The following RLN2 variants were observed in gnomAD, a reference collection of about 807,000 sequenced individuals.
The protein encoded by RLN2 is relaxin 2.
Under a neutral mutation model 7.3 loss-of-function variants are expected in RLN2, and 10 were observed. The ratio of observed to expected loss-of-function variants is 1.36; its 90% confidence interval spans 0.84 to 2.31. The LOEUF is 2.31. Among genes scored for constraint, RLN2 ranks in the 30% most tolerant of loss-of-function variants. The pLI, the probability that RLN2 is intolerant of heterozygous loss-of-function variation, is 0.00. For missense variants in RLN2, 298 were observed against 217.6 expected, an observed-to-expected ratio of 1.37 and a Z score of -2.32; for synonymous variants, 103 against 82.3, an observed-to-expected ratio of 1.25 and a Z score of -1.36.
upstream of RLN2, among the ~76,000 whole-genome samples, chr9:5,307,271 G>GAGGATGGATAGATA (rs1816269990): frequency 3.5e-5 from 5 of 143,488 alleles, no homozygotes; most frequent in African/African-American, 1.3e-4. Flanking sequence ...GATAGATAGA[G>GAGGATGGATAGATA]GATAGATAGA....
chr9:5,314,819 C>A, the RLN2 span, among the ~76,000 whole-genome samples: 1 of 152,012 alleles, frequency 6.6e-6, no homozygotes, highest in East Asian at 1.9e-4. Flanking sequence ...GTCCCACTAT[C>A]CCCAGGTCCA....
chr9:5,330,382 T>A, the RLN2 span, among the ~76,000 whole-genome samples: 16 of 151,930 alleles, frequency 1.1e-4, no homozygotes, highest in African/African-American at 2.7e-4. Context: ...CTCACGCCTG[T>A]CATCCCAGCA....
the RLN2 span, among the ~76,000 whole-genome samples, chr9:5,310,715 T>G: frequency 6.6e-6 from 1 of 152,080 alleles, no homozygotes; most frequent in Non-Finnish European, 1.5e-5. Context: ...AACACTAACT[T>G]ACTTCACTGG....
chr9:5,328,088 G>A, the RLN2 span, among the ~76,000 whole-genome samples: 4 of 152,044 alleles, frequency 2.6e-5, no homozygotes, highest in African/African-American at 9.7e-5. Context: ...GTAGGCTTCA[G>A]AAGGTTGGTA....
At chr9:5,320,557 G>A in the RLN2 span, among the ~76,000 whole-genome samples, 12 of 151,144 alleles carry the variant, frequency 7.9e-5, no homozygotes, top group Non-Finnish European at 1.2e-4. Flanking sequence ...TTTTAGTAGA[G>A]ATGGAGTTTC....
At chr9:5,315,112 A>C in the RLN2 span, among the ~76,000 whole-genome samples, 1 of 151,390 alleles carries the variant, frequency 6.6e-6, no homozygotes, top group Non-Finnish European at 1.5e-5. Context: ...GGTGCCAGTA[A>C]CTGACCCCAA....
chr9:5,322,526 CT>C, the RLN2 span, among the ~76,000 whole-genome samples: 2 of 151,876 alleles, frequency 1.3e-5, no homozygotes, highest in East Asian at 1.9e-4. Context: ...TGTGATCTTC[CT>C]TTTTTTTGTA....
chr9:5,311,096 G>A, the RLN2 span, among the ~76,000 whole-genome samples: 1 of 151,950 alleles, frequency 6.6e-6, no homozygotes, highest in Non-Finnish European at 1.5e-5. Flanking sequence ...TGCACTCTAA[G>A]ATGATAGGCC....
the RLN2 span, among the ~76,000 whole-genome samples, chr9:5,318,444 C>G: frequency 6.6e-6 from 1 of 151,790 alleles, no homozygotes; most frequent in African/African-American, 2.4e-5. Context: ...AAAAATAGCT[C>G]TAGCAGTTAA....
At chr9:5,332,620 C>A in the RLN2 span, among the ~76,000 whole-genome samples, 23 of 138,372 alleles carry the variant, frequency 1.7e-4, no homozygotes, top group African/African-American at 6.2e-4. Context: ...ACTGAATGTG[C>A]TTTTTTTTTT....
Position 5,304,350 on chromosome 9 carries a change from G to A in RLN2, c.211+20C>T, listed in dbSNP as rs755594080. ...CCAATGGGAAGCGCGGGAAGGCCGG[G>A]AGGGGGCGGGAGCTCTCACCTGCCA... On this transcript the variant is annotated intron_variant, in intron 1 of 1. Transcript: ENST00000381627. 2.0e-6 allele frequency: 3 copies of A among 1,534,668 alleles called. No individual in the cohort carries two copies. Among genetic ancestry groups the A allele is most frequent in the Admixed American group, 3.7e-5 (2 of 53,734 alleles).
the RLN2 span, among the ~76,000 whole-genome samples, chr9:5,336,461 G>A: frequency 3.3e-5 from 5 of 151,966 alleles, no homozygotes; most frequent in African/African-American, 1.2e-4. Flanking sequence ...GGAACCTGCT[G>A]GACACCCAGC....
the RLN2 span, among the ~76,000 whole-genome samples, chr9:5,323,663 A>T: frequency 6.6e-6 from 1 of 151,984 alleles, no homozygotes; most frequent in Non-Finnish European, 1.5e-5. Flanking sequence ...AAAATATCTA[A>T]CCTAATAGAA....
chr9:5,316,739 T>C, the RLN2 span, among the ~76,000 whole-genome samples: 1 of 151,992 alleles, frequency 6.6e-6, no homozygotes, highest in Admixed American at 6.6e-5. Flanking sequence ...TTGTGAATAG[T>C]GCTGCGGTAA....
chr9:5,322,691 T>C, the RLN2 span, among the ~76,000 whole-genome samples: 51,116 of 151,810 alleles, frequency 0.34, 9,506 homozygotes, highest in Non-Finnish European at 0.41. Flanking sequence ...CAATAGAATA[T>C]GGGGGTATAA....
chr9:5,320,280 C>G, the RLN2 span, among the ~76,000 whole-genome samples: 1 of 151,508 alleles, frequency 6.6e-6, no homozygotes, highest in African/African-American at 2.4e-5. Context: ...GCCACCACAC[C>G]CGGCAAACCT....
the RLN2 span, chr9:5,335,282 C>T: frequency 7.5e-6 from 12 of 1,596,962 alleles, no homozygotes; most frequent in Non-Finnish European, 1.0e-5. Flanking sequence ...CCTTTTGGTA[C>T]AACCAATTAG....
chr9:5,334,071 T>C, the RLN2 span, among the ~76,000 whole-genome samples: 2 of 151,996 alleles, frequency 1.3e-5, no homozygotes, highest in African/African-American at 4.8e-5. Context: ...GCATACTGAA[T>C]GGGCAAAAGC....
At chr9:5,301,093 A>G (rs1816117219) in intron 1 of RLN2, among the ~76,000 whole-genome samples, 1 of 152,254 alleles carries the variant, frequency 6.6e-6, no homozygotes, top group African/African-American at 2.4e-5. Flanking sequence ...GTGGGTTAAA[A>G]GAACACTAAC....
Sources: gnomAD v4.1 joint callset for allele counts (sites outside exome capture counted in the v4.1 genomes callset) on GRCh38, gnomAD v4.1.1 for gene constraint, MANE v1.5 for transcripts, NCBI Gene and HGNC (gene_info 2026-07-23, HGNC 2026-07-21) for gene names.